The following SGCZ variants were observed in gnomAD, a reference collection of about 807,000 sequenced individuals.
The protein encoded by SGCZ is zeta-sarcoglycan.
Under a neutral mutation model 41.3 loss-of-function variants are expected in SGCZ, and 40 were observed. That is an observed-to-expected ratio of 0.97 (90% CI 0.75 to 1.26). SGCZ has a LOEUF of 1.26. Ranked by LOEUF, SGCZ falls within the 50% of genes most tolerant of loss-of-function variation. The pLI is 0.00. For missense variants in SGCZ, 552 were observed against 369.8 expected (o/e 1.49, Z -4.04); for synonymous variants, 206 against 137.5 (o/e 1.50, Z -3.49).
chr8:14,280,894 G>T (rs1405162805), intron 3 of SGCZ, among the ~76,000 whole-genome samples: 1 of 151,466 alleles, frequency 6.6e-6, no homozygotes. Context: ...GAGAGAGGGA[G>T]AAAGTACATA....
intron 1 of SGCZ, among the ~76,000 whole-genome samples, chr8:14,927,361 G>C (rs1050091297): frequency 6.7e-6 from 1 of 149,432 alleles, no homozygotes; most frequent in Non-Finnish European, 1.5e-5. Context: ...CGCCCGCCTC[G>C]GCCTCCCAAA....
chr8:14,413,459 T>A (rs1042670669), intron 2 of SGCZ, among the ~76,000 whole-genome samples: 52 of 152,012 alleles, frequency 3.4e-4, no homozygotes, highest in Non-Finnish European at 8.8e-5. Context: ...CTTTTAAGAT[T>A]TCTGTCGTAA....
chr8:15,060,209 C>T (rs1041487217), intron 1 of SGCZ, among the ~76,000 whole-genome samples: 6 of 152,108 alleles, frequency 3.9e-5, no homozygotes, highest in African/African-American at 1.4e-4. Flanking sequence ...GCTATAAAGA[C>T]ACATGCACAC....
chr8:14,831,856 G>A (rs556789229), intron 1 of SGCZ, among the ~76,000 whole-genome samples: 2 of 151,936 alleles, frequency 1.3e-5, no homozygotes, highest in Non-Finnish European at 2.9e-5. Context: ...ATGTATATAA[G>A]TATGTATATG....
intron 1 of SGCZ, among the ~76,000 whole-genome samples, chr8:14,780,110 A>G: frequency 6.6e-6 from 1 of 152,116 alleles, no homozygotes; most frequent in East Asian, 1.9e-4. Context: ...GCAGTGGCTC[A>G]CGCCTGTAAT....
intron 1 of SGCZ, among the ~76,000 whole-genome samples, chr8:14,764,322 T>G (rs896807824): frequency 1.3e-5 from 2 of 152,214 alleles, no homozygotes; most frequent in South Asian, 4.1e-4. Flanking sequence ...ATACACGATC[T>G]TAAAGCATTG....
intron 1 of SGCZ, among the ~76,000 whole-genome samples, chr8:14,998,970 T>C (rs1802314386): frequency 6.6e-6 from 1 of 152,226 alleles, no homozygotes; most frequent in Non-Finnish European, 1.5e-5. Flanking sequence ...ATTTAGCTAC[T>C]TCTATAATCT....
intron 2 of SGCZ, among the ~76,000 whole-genome samples, chr8:14,395,883 T>G (rs532514322): frequency 6.6e-6 from 1 of 152,338 alleles, no homozygotes; most frequent in East Asian, 1.9e-4. Flanking sequence ...CTGCAAAAAG[T>G]ATCTGTTCGC....
chr8:14,290,211 G>GT (rs1312751923), intron 3 of SGCZ, among the ~76,000 whole-genome samples: 1 of 151,980 alleles, frequency 6.6e-6, no homozygotes, highest in Non-Finnish European at 1.5e-5. Flanking sequence ...AGCCTTAAAC[G>GT]TAAGACTCAA....
chr8:14,797,478 C>G (rs1456574876), intron 1 of SGCZ, among the ~76,000 whole-genome samples: 2 of 152,144 alleles, frequency 1.3e-5, no homozygotes, highest in Non-Finnish European at 2.9e-5. Context: ...ATTATTTAGG[C>G]TATCTGGCAG....
intron 4 of SGCZ, among the ~76,000 whole-genome samples, chr8:14,229,847 A>AT (rs554182622): frequency 1.9e-3 from 283 of 152,014 alleles, no homozygotes; most frequent in Middle Eastern, 6.8e-3. Context: ...CCTCATCTAC[A>AT]TTTTTTCTCC....
chr8:14,777,145 G>T (rs778292811), intron 1 of SGCZ, among the ~76,000 whole-genome samples: 1 of 152,136 alleles, frequency 6.6e-6, no homozygotes, highest in Non-Finnish European at 1.5e-5. Flanking sequence ...TCAAGATGTG[G>T]CATTTGAAAC....
intron 4 of SGCZ, among the ~76,000 whole-genome samples, chr8:14,200,250 AT>A (rs1805411049): frequency 6.6e-6 from 1 of 152,232 alleles, no homozygotes. Context: ...GTGTTCATGG[AT>A]TAAAAGACTC....
chr8:14,801,669 G>T (rs540330218), intron 1 of SGCZ, among the ~76,000 whole-genome samples: 2 of 152,234 alleles, frequency 1.3e-5, no homozygotes, highest in African/African-American at 4.8e-5. Flanking sequence ...TTTGGAGTTG[G>T]GGGAAAATCA....
intron 2 of SGCZ, among the ~76,000 whole-genome samples, chr8:14,472,982 T>C (rs1801255899): frequency 1.3e-5 from 2 of 152,168 alleles, no homozygotes; most frequent in Admixed American, 1.3e-4. Context: ...TGTTAACTGA[T>C]GGTGAAGTGG....
intron 4 of SGCZ, among the ~76,000 whole-genome samples, chr8:14,167,125 A>AATG (rs1804233942): frequency 6.6e-6 from 1 of 152,160 alleles, no homozygotes; most frequent in South Asian, 2.1e-4. Context: ...GCAAATGGAA[A>AATG]ATGATATGTT....
intron 5 of SGCZ, among the ~76,000 whole-genome samples, chr8:14,142,389 G>A (rs534869969): frequency 6.6e-6 from 1 of 152,052 alleles, no homozygotes; most frequent in Non-Finnish European, 1.5e-5. Context: ...ATTCTAACAG[G>A]AACAGGAGGG....
At chr8:14,327,744 T>G (rs1019327788) in intron 2 of SGCZ, among the ~76,000 whole-genome samples, 2 of 152,200 alleles carry the variant, frequency 1.3e-5, no homozygotes, top group Non-Finnish European at 1.5e-5. Flanking sequence ...TCATTTAAAT[T>G]AGATAAAACA....
At chr8:14,680,009 G>A (rs1398068656) in intron 1 of SGCZ, among the ~76,000 whole-genome samples, 1 of 152,112 alleles carries the variant, frequency 6.6e-6, no homozygotes, top group Non-Finnish European at 1.5e-5. Flanking sequence ...CAGTCGATGT[G>A]TGTAGTAGGC....
Sources: gnomAD v4.1 joint callset for allele counts (sites outside exome capture counted in the v4.1 genomes callset) on GRCh38, gnomAD v4.1.1 for gene constraint, MANE v1.5 for transcripts, NCBI Gene and HGNC (gene_info 2026-07-23, HGNC 2026-07-21) for gene names.